ZFAND2A: variants seen among roughly 807,000 people sequenced by gnomAD.
ZFAND2A encodes AN1-type zinc finger protein 2A.
Under a neutral mutation model 11.6 loss-of-function variants are expected in ZFAND2A, and 20 were observed. The ratio of observed to expected loss-of-function variants is 1.72; its 90% CI spans 1.21 to 2.50. The LOEUF is 2.50. Ranked by LOEUF, ZFAND2A falls within the 30% of genes most tolerant of loss-of-function variation. The pLI, the probability that ZFAND2A is intolerant of heterozygous loss-of-function variation, is 0.00. For synonymous variants in ZFAND2A, 93 were observed against 60.6 expected (o/e 1.54, Z -2.48); for missense variants, 234 against 182.9 (o/e 1.28, Z -1.61).
chr7:1,158,899 T>TGG (rs1193493908), intron 1 of ZFAND2A, among the ~76,000 whole-genome samples: 1 of 151,952 alleles, frequency 6.6e-6, no homozygotes, highest in Non-Finnish European at 1.5e-5. Context: ...GGCCTTTTCC[T>TGG]GGGGCTCACG....
intron 2 of ZFAND2A, 70 bp from the exon 3 acceptor site, chr7:1,157,820 TGTTTACCTAC>T (rs1231004040): frequency 9.8e-6 from 12 of 1,218,542 alleles, no homozygotes; most frequent in Admixed American, 2.5e-5. Context: ...ACTATCAAAG[TGTTTACCTAC>T]ACTAAGTGTT....
intron 3 of ZFAND2A, 85 bp downstream of exon 3, chr7:1,157,571 T>C (rs2128258690): frequency 2.3e-6 from 3 of 1,307,870 alleles, no homozygotes; most frequent in Non-Finnish European, 1.1e-6. Flanking sequence ...GAGTTAGCCA[T>C]ACGTCGCTAG....
At chr7:1,155,385 A>G in intron 4 of ZFAND2A, 68 bp downstream of exon 4, 1 of 1,582,574 alleles carries the variant, frequency 6.3e-7, no homozygotes, top group Non-Finnish European at 8.6e-7. Flanking sequence ...TTCAGGTAGC[A>G]AACTGACTCT....
downstream of ZFAND2A, among the ~76,000 whole-genome samples, chr7:1,151,734 G>T (rs1426911499): frequency 2.7e-5 from 3 of 112,190 alleles, no homozygotes; most frequent in Non-Finnish European, 5.5e-5. Context: ...ACTCCAGCCT[G>T]GGCAATAGAG....
chr7:1,149,635 C>T (rs1221153180), downstream of ZFAND2A, among the ~76,000 whole-genome samples: 2 of 152,206 alleles, frequency 1.3e-5, no homozygotes, highest in African/African-American at 2.4e-5. Context: ...ACACAGAGCT[C>T]GATGGTGCGG....
rs568925169 is a variant in ZFAND2A, at chr7:1,153,993, G to A, written c.283-769C>T. Among the ~76,000 whole-genome samples, 13 of 152,110 alleles carry A rather than the reference G, an allele frequency of 8.5e-5. No individual in the cohort carries two copies. The South Asian group carries it at 1.2e-3, about 15-fold the overall frequency. The stretch of plus-strand genomic sequence containing the variant: ...GTCAGCATTGAAGCTGGGGATTCCC[G>A]TGAAGATGGCCCGGAGGTGCTGCTG... On this transcript the variant is annotated intron_variant, in intron 4 of 4. Coordinates refer to ENST00000316495, the MANE Select transcript of ZFAND2A (RefSeq NM_182491.4).
intron 4 of ZFAND2A, 112 bp downstream of exon 4, chr7:1,155,341 T>C (rs1331004640): frequency 2.7e-6 from 4 of 1,471,468 alleles, no homozygotes; most frequent in Non-Finnish European, 1.8e-6. Context: ...GGACTCTTCT[T>C]TTCTACTTTG....
At chr7:1,158,672 C>A (rs929231854) in intron 1 of ZFAND2A, among the ~76,000 whole-genome samples, 1 of 146,688 alleles carries the variant, frequency 6.8e-6, no homozygotes, top group Non-Finnish European at 1.5e-5. Flanking sequence ...GAAGATTTAA[C>A]TCTGTCCCTC....
chr7:1,157,323 CA>C (rs1221789771), intron 3 of ZFAND2A: 19 of 186,766 alleles, frequency 1.0e-4, no homozygotes, highest in Non-Finnish European at 1.9e-4. Flanking sequence ...TATGGTGTAA[CA>C]GCTATGGTGT....
downstream of ZFAND2A, among the ~76,000 whole-genome samples, chr7:1,150,886 CCTTT>C (rs1190807940): frequency 7.8e-6 from 1 of 127,600 alleles, no homozygotes; most frequent in Non-Finnish European, 1.6e-5. Flanking sequence ...GACAACTGTG[CCTTT>C]TTTTTTTTTT....
rs554963037 is a variant in ZFAND2A at position 1,157,786 on chromosome 7, T to C, written c.56-36A>G. On this transcript the variant is annotated intron_variant, in intron 2 of 4. Coordinates refer to ENST00000316495, the MANE Select transcript of ZFAND2A (RefSeq NM_182491.4). ...AAAAACAGGGAAGTGTTTTAACGAC[T>C]GGAACAAAATACTTCCAGATAGTAC... 3.7e-5 allele frequency: 54 copies of C among 1,450,096 alleles called. 1 individual carries two copies. In the South Asian group the frequency reaches 6.0e-4, roughly 16 times the overall value. The allele number at this position is 1,450,096 out of a possible 1,614,324, so 89.8% of individuals were successfully genotyped here. A position where few individuals can be genotyped will look rare whatever the true frequency, so the allele number is the denominator to read the frequency against.
At chr7:1,152,073 G>T, downstream of ZFAND2A, 1 of 732,444 alleles carries the variant, frequency 1.4e-6, no homozygotes, top group Admixed American at 3.5e-5. Context: ...GGTTGTGCTG[G>T]AGCGAGCTGC....
chr7:1,150,642 C>G (rs149075338), downstream of ZFAND2A, among the ~76,000 whole-genome samples: 2 of 152,200 alleles, frequency 1.3e-5, no homozygotes, highest in East Asian at 1.9e-4. Context: ...CTCACTACCC[C>G]CCTTCCCTCC....
chr7:1,156,979 C>A (rs1793541227), intron 3 of ZFAND2A: 1 of 152,276 alleles, frequency 6.6e-6, no homozygotes, highest in Non-Finnish European at 1.5e-5. Flanking sequence ...CCCTGGCCAA[C>A]ACTGGTCAAA....
At chr7:1,152,836 T>C (rs1469362777), downstream of ZFAND2A, 3 of 673,602 alleles carry the variant, frequency 4.5e-6, no homozygotes, top group Non-Finnish European at 7.9e-6. Flanking sequence ...AAAGAACCGA[T>C]TTCTATGGTT....
chr7:1,154,979 G>A (rs907311681), intron 4 of ZFAND2A, among the ~76,000 whole-genome samples: 31 of 152,280 alleles, frequency 2.0e-4, no homozygotes, highest in African/African-American at 7.5e-4. Context: ...TTAGCTGGAT[G>A]TGGTGGCATG....
chr7:1,155,716 A>G, intron 3 of ZFAND2A, 132 bp from the exon 4 acceptor site: 1 of 1,162,988 alleles, frequency 8.6e-7, no homozygotes, highest in Non-Finnish European at 1.2e-6. Flanking sequence ...GAGCCCTCCG[A>G]GAACAAAGCA....
chr7:1,153,954 A>G (rs1247485315), intron 4 of ZFAND2A, among the ~76,000 whole-genome samples: 2 of 148,490 alleles, frequency 1.3e-5, no homozygotes, highest in Admixed American at 6.7e-5. Context: ...AAAAAGAAAG[A>G]AAAAAAAAAG....
In ZFAND2A at chr7:1,153,235, A is replaced by C. The variant is rs1422108671; in HGVS notation, c.283-11T>G. 1 of 1,607,640 alleles carries C rather than the reference A, an allele frequency of 6.2e-7. No homozygotes were observed. The highest frequency in any genetic ancestry group is 8.5e-7 in the Non-Finnish European group (1 of 1,174,482). On this transcript the variant is annotated splice_polypyrimidine_tract_variant and intron_variant, in intron 4 of 4. Coordinates refer to ENST00000316495, the MANE Select transcript of ZFAND2A (RefSeq NM_182491.4). ...ACGGTATGTAAAAATCTAAGAGAGC[A>C]AAGTGACTTCAACAAGCAATTCTTT...
Sources: allele counts gnomAD v4.1 joint callset (sites outside exome capture counted in the v4.1 genomes callset), GRCh38; gene constraint gnomAD v4.1.1; transcripts MANE v1.5; gene names NCBI Gene and HGNC (gene_info 2026-07-23, HGNC 2026-07-21).